The following FOXJ3 variants were observed in gnomAD, a reference collection of about 807,000 sequenced individuals.
FOXJ3 encodes forkhead box protein J3.
A neutral mutation model predicts 76.1 loss-of-function variants in FOXJ3; 22 were observed. The ratio of observed to expected loss-of-function variants is 0.29; its 90% CI spans 0.21 to 0.41. The LOEUF (loss-of-function observed/expected upper bound fraction) is 0.41. Ranked by LOEUF, FOXJ3 falls within the 10% of genes least tolerant of loss-of-function variation. The probability of loss-of-function intolerance (pLI) is 1.00; values close to 1 mark genes in which losing one functional copy is unlikely to be tolerated. For missense variants in FOXJ3, 613 were observed against 762.1 expected, an observed-to-expected ratio of 0.80 and a Z score of 2.30; for synonymous variants, 269 against 261.2, an observed-to-expected ratio of 1.03 and a Z score of -0.29.
chr1:42,295,662 G>A (rs2124717022), intron 2 of FOXJ3, among the ~76,000 whole-genome samples: 1 of 151,500 alleles, frequency 6.6e-6, no homozygotes, highest in Admixed American at 6.6e-5. Context: ...TCAATTAGCT[G>A]GGATTACAGG....
chr1:42,214,518 T>C (rs1647027356), intron 5 of FOXJ3, among the ~76,000 whole-genome samples: 1 of 152,200 alleles, frequency 6.6e-6, no homozygotes, highest in South Asian at 2.1e-4. Context: ...CACTTCCTGT[T>C]TGGCAGTGTG....
intron 1 of FOXJ3, among the ~76,000 whole-genome samples, chr1:42,312,021 G>A (rs1570233003): frequency 6.6e-6 from 1 of 152,182 alleles, no homozygotes; most frequent in Admixed American, 6.5e-5. Flanking sequence ...GGGTTTAAGT[G>A]TATACATACG....
rs530663869 is a variant in FOXJ3 at position 42,247,543 on chromosome 1, T to C, written c.444+17572A>G. On this transcript the variant is annotated intron_variant, in intron 4 of 12. Transcript: ENST00000361346. ...CACATCAAAATTTGATCACCATCAA[T>C]TGCCATTAATCCAATGAAAATCAAA... Among the ~76,000 whole-genome samples the C allele has an allele frequency of 5.3e-5, 8 of 152,284 alleles. No individual in the cohort carries two copies. In the East Asian group the frequency reaches 5.8e-4, roughly 11 times the overall value.
chr1:42,250,944 C>G (rs1309680646), intron 4 of FOXJ3, among the ~76,000 whole-genome samples: 1 of 150,888 alleles, frequency 6.6e-6, no homozygotes, highest in Admixed American at 6.6e-5. Context: ...TTAACACTCT[C>G]AAGGACTTGT....
intron 5 of FOXJ3, 113 bp downstream of exon 5, chr1:42,227,766 CAAAT>C (rs538359293): frequency 1.2e-5 from 6 of 491,946 alleles, no homozygotes; most frequent in African/African-American, 1.2e-4. Flanking sequence ...AAATGCTACA[CAAAT>C]AAAATCTTAC....
At chr1:42,184,316 T>C (rs1646390163) in intron 11 of FOXJ3, among the ~76,000 whole-genome samples, 1 of 152,138 alleles carries the variant, frequency 6.6e-6, no homozygotes, top group Non-Finnish European at 1.5e-5. Context: ...CCACTTCTCT[T>C]TTATGGCTTC....
At chr1:42,248,351 T>G (rs1033573309) in intron 4 of FOXJ3, among the ~76,000 whole-genome samples, 1 of 151,606 alleles carries the variant, frequency 6.6e-6, no homozygotes, top group Non-Finnish European at 1.5e-5. Context: ...TCGCTAACAC[T>G]GTGAAACCCC....
intron 11 of FOXJ3, 25 bp from the exon 12 acceptor site, chr1:42,182,049 G>A: frequency 7.6e-7 from 1 of 1,317,426 alleles, no homozygotes; most frequent in Non-Finnish European, 1.1e-6. Context: ...AGCAGAAAGA[G>A]GGAAAACATG....
chr1:42,188,729 C>A lies in FOXJ3; in HGVS notation c.1645+8G>T. The A allele has an allele frequency of 6.4e-7, 1 of 1,550,596 alleles. No individual in the cohort carries two copies. Among genetic ancestry groups the A allele is most frequent in the Non-Finnish European group, 8.8e-7 (1 of 1,141,782 alleles). On this transcript the variant is annotated splice_region_variant and intron_variant, in intron 11 of 12. Coordinates refer to ENST00000361346, the MANE Select transcript of FOXJ3 (RefSeq NM_014947.5). ...TGAGAAAAATCAAGAAGATAACTAACCCCATACCTGTTCCAATGTGTTGGG... is the reference window on the plus strand; with the variant it reads ...TGAGAAAAATCAAGAAGATAACTAAACCCATACCTGTTCCAATGTGTTGGG...
intron 4 of FOXJ3, among the ~76,000 whole-genome samples, chr1:42,258,463 C>T (rs1336038655): frequency 3.3e-5 from 5 of 152,204 alleles, no homozygotes; most frequent in African/African-American, 1.2e-4. Context: ...GGTTAAATAG[C>T]TACTGAGACC....
At chr1:42,312,382 T>C (rs1289720752) in intron 1 of FOXJ3, among the ~76,000 whole-genome samples, 1 of 152,130 alleles carries the variant, frequency 6.6e-6, no homozygotes, top group Non-Finnish European at 1.5e-5. Context: ...CTAAATACTA[T>C]GTAGGCCAAA....
At chr1:42,331,996 C>G (rs923470978) in intron 1 of FOXJ3, among the ~76,000 whole-genome samples, 4 of 152,052 alleles carry the variant, frequency 2.6e-5, no homozygotes, top group African/African-American at 9.7e-5. Flanking sequence ...TCTATTCTTA[C>G]CCCTCCTTTC....
chr1:42,195,052 G>A lies in FOXJ3; in HGVS notation c.772C>T (p.Pro258Ser). The A allele has an allele frequency of 6.2e-7, 1 of 1,602,460 alleles. No homozygotes were observed. Among genetic ancestry groups the A allele is most frequent in the Non-Finnish European group, 8.5e-7 (1 of 1,176,272 alleles). ...VHSYTPVTSH[P>S]ESVSQSLTPQ... Reference sequence around the variant, plus strand: ...GTTAATGATTGAGAGACTGATTCTGGATGGCTTGTCACCTAACATTAAAAG... The same window carrying A: ...GTTAATGATTGAGAGACTGATTCTGAATGGCTTGTCACCTAACATTAAAAG... The change falls in exon 8 of 13, where the codon CCA (proline) becomes TCA (serine). Residue 258 changes from proline (P) to serine (S), a missense_variant. By Grantham distance (74) the Pro-to-Ser change is moderately conservative. This residue lies in a region of FOXJ3 where 526 missense variants were observed against 601.4 expected (regional missense o/e 0.87). Transcript: ENST00000361346.
At chr1:42,250,889 A>G (rs191139847) in intron 4 of FOXJ3, among the ~76,000 whole-genome samples, 5 of 144,704 alleles carry the variant, frequency 3.5e-5, no homozygotes, top group African/African-American at 7.4e-5. Context: ...CTGAAAATAG[A>G]TAAGTAGAAA....
chr1:42,187,878 C>T (rs888334180), intron 11 of FOXJ3, among the ~76,000 whole-genome samples: 14 of 151,932 alleles, frequency 9.2e-5, no homozygotes, highest in African/African-American at 3.4e-4. Context: ...AGCTATTCAA[C>T]GTGGAAGAAG....
chr1:42,201,476 G>A lies in FOXJ3; in HGVS notation c.631-2246C>T, dbSNP rs1232331555. Among the ~76,000 whole-genome samples the A allele has an allele frequency of 4.6e-5, 7 of 152,034 alleles. No individual in the cohort carries two copies. The South Asian group carries it at 8.3e-4, about 18-fold the overall frequency. Reference sequence around the variant, plus strand: ...TCTGAGTATGCCTTTGTAATATTCCGTATAAAATGTGGAGTATACATGTAG... The same window carrying A: ...TCTGAGTATGCCTTTGTAATATTCCATATAAAATGTGGAGTATACATGTAG... On this transcript the variant is annotated intron_variant, in intron 6 of 12. Coordinates refer to ENST00000361346, the MANE Select transcript of FOXJ3 (RefSeq NM_014947.5).
intron 3 of FOXJ3, among the ~76,000 whole-genome samples, chr1:42,270,600 A>T (rs907867900): frequency 2.6e-5 from 4 of 152,210 alleles, no homozygotes; most frequent in African/African-American, 7.2e-5. Flanking sequence ...CCAAGAAAAG[A>T]AGTTGGTGAA....
intron 1 of FOXJ3, among the ~76,000 whole-genome samples, chr1:42,316,257 C>T (rs1655098181): frequency 6.6e-6 from 1 of 151,042 alleles, no homozygotes; most frequent in East Asian, 2.0e-4. Context: ...CAGCCTCGAA[C>T]TTCTGAGCTC....
At position 42,178,012 on chromosome 1, in the gene FOXJ3, C is replaced by G. The variant is rs934976704; in HGVS notation, c.*1698G>C. On this transcript the variant is annotated 3_prime_UTR_variant, in exon 13 of 13. Transcript: ENST00000361346. ...GGGGTCTAAAGAATCAATTCAAAAT[C>G]TATTCATTAAAAAAAAACCCTCATT... is the stretch of plus-strand genomic sequence containing the variant. The G allele has an allele frequency of 9.9e-5, 15 of 151,344 alleles. No homozygotes were observed. The highest frequency in any genetic ancestry group is 3.7e-4 in the African/African-American group (15 of 40,762). 9.4% of individuals were successfully genotyped at this position (151,344 alleles called of 1,614,324 possible).
Sources: gnomAD v4.1 joint callset for allele counts (sites outside exome capture counted in the v4.1 genomes callset) on GRCh38, gnomAD v4.1.1 for gene constraint, gnomAD v4.1.1 regional missense constraint, MANE v1.5 for transcripts, NCBI Gene and HGNC (gene_info 2026-07-23, HGNC 2026-07-21) for gene names.